Variants in ZNF668 observed in about 807,000 individuals in gnomAD.
ZNF668 encodes zinc finger protein 668.
Under a neutral mutation model 40.3 loss-of-function variants are expected in ZNF668, and 10 were observed. The observed-to-expected ratio is 0.25, with a 90% CI of 0.15 to 0.42. ZNF668 has a LOEUF of 0.42. Among genes scored for constraint, ZNF668 ranks in the 10% least tolerant of loss-of-function variants. The pLI is 1.00. For missense variants in ZNF668, 749 were observed against 904.6 expected, an observed-to-expected ratio of 0.83 and a Z score of 2.21; for synonymous variants, 428 against 384.6, an observed-to-expected ratio of 1.11 and a Z score of -1.32.
chr16:31,067,095 G>A (rs2056985793), intron 1 of ZNF668, among the ~76,000 whole-genome samples: 1 of 152,038 alleles, frequency 6.6e-6, no homozygotes, highest in Non-Finnish European at 1.5e-5. Flanking sequence ...GAGCATGCCT[G>A]TACTCCCAGC....
chr16:31,067,170 A>G (rs2056986177), intron 1 of ZNF668, among the ~76,000 whole-genome samples: 1 of 152,152 alleles, frequency 6.6e-6, no homozygotes, highest in Admixed American at 6.5e-5. Flanking sequence ...CAGTAAGCCA[A>G]GATGGTGCCA....
At chr16:31,066,511 C>T (rs925891318) in intron 1 of ZNF668, 6 of 330,520 alleles carry the variant, frequency 1.8e-5, no homozygotes, top group Admixed American at 6.5e-5. Flanking sequence ...GAACTATGAT[C>T]GTACCACTGC....
intron 1 of ZNF668, among the ~76,000 whole-genome samples, chr16:31,067,856 T>TA (rs1171800762): frequency 6.6e-6 from 1 of 152,128 alleles, no homozygotes; most frequent in Non-Finnish European, 1.5e-5. Context: ...TGGGGCCTCT[T>TA]ACGCTTGTCT....
At position 31,064,023 on chromosome 16, in the gene ZNF668, G is replaced by A. The variant is rs780531771; in HGVS notation, c.437C>T (p.Pro146Leu). The A allele has an allele frequency of 6.2e-6, 10 of 1,606,016 alleles. No homozygotes were observed. The highest frequency in any genetic ancestry group is 2.7e-5 in the African/African-American group (2 of 74,754). Residue 146 changes from proline (P) to leucine (L), a missense_variant, in exon 2 of 3, where the codon CCG becomes CTG. Physicochemically the swap from Pro to Leu is moderately conservative, Grantham distance 98. Coordinates refer to ENST00000300849, the MANE Select transcript of ZNF668 (RefSeq NM_024706.5). ...GELPFRCAHC[P>L]KAYGALSKLK... Reference sequence around the variant, plus strand: ...CTTGGAGAGCGCGCCATAGGCCTTCGGGCAGTGCGCACAGCGGAAGGGCAG... The same window carrying A: ...CTTGGAGAGCGCGCCATAGGCCTTCAGGCAGTGCGCACAGCGGAAGGGCAG...
At chr16:31,070,208 G>A (rs1056625139) in intron 1 of ZNF668, among the ~76,000 whole-genome samples, 12 of 151,024 alleles carry the variant, frequency 7.9e-5, no homozygotes, top group Admixed American at 2.0e-4. Context: ...GTGAGCCACC[G>A]CGCCCGGCCC....
chr16:31,065,187 C>T, intron 1 of ZNF668: 1 of 969,676 alleles, frequency 1.0e-6, no homozygotes, highest in Non-Finnish European at 1.2e-6. Context: ...AGCTGGAAGC[C>T]TCTTTCTGAG....
At position 31,063,807 on chromosome 16, in the gene ZNF668, C is replaced by T. The variant is rs1384097609; in HGVS notation, c.647+6G>A. On this transcript the variant is annotated splice_donor_region_variant and intron_variant, in intron 2 of 2. Transcript: ENST00000300849. ...GAAGGCGCCCTGCCCCGGAAGGCAC[C>T]CTCACCGCTCATGGTTGCGGAGGTC... 1.3e-6 allele frequency: 2 copies of T among 1,555,730 alleles called. No homozygotes were observed. The highest frequency in any genetic ancestry group is 1.7e-6 in the Non-Finnish European group (2 of 1,146,670).
chr16:31,062,148 G>A lies in ZNF668; in HGVS notation c.780C>T (p.Gly260=), dbSNP rs1567398487. 2 of 1,613,910 alleles carry A rather than the reference G, an allele frequency of 1.2e-6. No homozygotes were observed. The highest frequency in any genetic ancestry group is 8.5e-7 in the Non-Finnish European group (1 of 1,179,900). The part of the protein sequence containing the change: ...KPYRCPACGK[G]FTQLSSYQSH... Reference sequence around the variant, plus strand: ...TCTGGTAGGAACTGAGCTGCGTGAAGCCCTTGCCGCAGGCCGGGCAGCGGT... The same window carrying A: ...TCTGGTAGGAACTGAGCTGCGTGAAACCCTTGCCGCAGGCCGGGCAGCGGT... The change falls in exon 3 of 3, where the codon GGC becomes GGT. Residue 260 remains glycine (G), a synonymous_variant. Coordinates refer to ENST00000300849, the MANE Select transcript of ZNF668 (RefSeq NM_024706.5).
intron 1 of ZNF668, chr16:31,069,373 TCTC>T (rs2056999782): frequency 6.6e-6 from 1 of 151,930 alleles, no homozygotes; most frequent in Non-Finnish European, 1.5e-5. Context: ...CCTCCTTTCT[TCTC>T]CTCAAAGAGC....
At chr16:31,067,220 A>T (rs751816614) in intron 1 of ZNF668, among the ~76,000 whole-genome samples, 8 of 152,160 alleles carry the variant, frequency 5.3e-5, no homozygotes, top group Non-Finnish European at 7.3e-5. Context: ...CCCCATCTCA[A>T]AAATAAATAA....
chr16:31,066,646 G>A (rs2143770832), intron 1 of ZNF668, among the ~76,000 whole-genome samples: 1 of 152,324 alleles, frequency 6.6e-6, no homozygotes, highest in South Asian at 2.1e-4. Flanking sequence ...CTTGAGCCCA[G>A]GAGTTCAAGG....
Position 31,064,728 on chromosome 16 carries a change from T to TC in ZNF668, c.-22-248dup, listed in dbSNP as rs147304134. 1.2e-3 allele frequency: 1,878 copies of TC among 1,521,228 alleles called. 3 individuals carry two copies. The highest frequency in any genetic ancestry group is 2.3e-3 in the Admixed American group (112 of 49,706). 94.2% of individuals were successfully genotyped at this position (1,521,228 alleles called of 1,614,324 possible). A position where few individuals can be genotyped will look rare whatever the true frequency, so the allele number is the denominator to read the frequency against. ...GGGTCACAAAAGATTCACCTACACG[T>TC]CCCCCCCCGCCCCCAACGGGCTTTT... On this transcript the variant is annotated intron_variant, in intron 1 of 2. Transcript: ENST00000300849.
At chr16:31,064,897 GAC>G in intron 1 of ZNF668, 1 of 1,409,188 alleles carries the variant, frequency 7.1e-7, no homozygotes, top group African/African-American at 1.4e-5. Context: ...GCCCAGAAAA[GAC>G]AGACCTGGGA....
At chr16:31,063,187 C>T (rs1015418670) in intron 2 of ZNF668, among the ~76,000 whole-genome samples, 1 of 152,188 alleles carries the variant, frequency 6.6e-6, no homozygotes, top group Non-Finnish European at 1.5e-5. Context: ...GGCTGGAATG[C>T]AGTGGCCTGA....
Position 31,074,173 on chromosome 16 carries a change from T to G in ZNF668, c.-537A>C, listed in dbSNP as rs1421559246. 1 of 152,240 alleles carries G rather than the reference T, an allele frequency of 6.6e-6. No homozygotes were observed. Among genetic ancestry groups the G allele is most frequent in the Non-Finnish European group, 1.5e-5 (1 of 68,050 alleles). The allele number at this position is 152,240 out of a possible 1,614,324, so 9.4% of individuals were successfully genotyped here. A position where few individuals can be genotyped will look rare whatever the true frequency, so the allele number is the denominator to read the frequency against. ...CTGTGGCCAGGGCTGTAGAATCTTT[T>G]TCTCCCTTTCTGCGCCTATTCAATA... On this transcript the variant is annotated 5_prime_UTR_variant, in exon 1 of 3. Transcript: ENST00000300849.
chr16:31,061,539 G>A lies in ZNF668; in HGVS notation c.1389C>T (p.Pro463=). 3.7e-6 allele frequency: 6 copies of A among 1,611,076 alleles called. No individual in the cohort carries two copies. In the South Asian group the frequency reaches 4.4e-5, roughly 12 times the overall value. ...GDPPAGLLGL[P]PESGGVMATQ... ...TGGCCATCACACCACCTGACTCCGG[G>A]GGCAGCCCTAGCAGCCCTGCTGGAG... is the stretch of plus-strand genomic sequence containing the variant. Residue 463 remains proline (P), a synonymous_variant, in exon 3 of 3, where the codon CCC becomes CCT. Transcript: ENST00000300849. The surrounding 1 kb of genome is among the most constrained non-coding windows in gnomAD (Gnocchi z 7.7).
rs1393342708 is a variant in ZNF668, at chr16:31,061,697, C to T, written c.1231G>A (p.Glu411Lys). The T allele has an allele frequency of 2.3e-5, 37 of 1,613,608 alleles. No homozygotes were observed. Among genetic ancestry groups the T allele is most frequent in the Non-Finnish European group, 2.9e-5 (34 of 1,179,914 alleles). ...GCCTCACTGCTTCGATGGGTCCGCT[C>T]GTGCTTCCTCAGGCTCGACGACACC... is the stretch of plus-strand genomic sequence containing the variant. ...FVVSSSLRKHERTHRSSEAAG... is the reference protein window; with the variant it reads ...FVVSSSLRKHKRTHRSSEAAG... The change falls in exon 3 of 3, where the codon GAG becomes AAG. Residue 411 changes from glutamate (E) to lysine (K), a missense_variant. This residue lies in a region of ZNF668 where 310 missense variants were observed against 355.1 expected (regional missense o/e 0.87). Transcript: ENST00000300849. The surrounding 1 kb of genome is among the most constrained non-coding windows in gnomAD (Gnocchi z 7.7).
chr16:31,070,564 G>C (rs2057009699), intron 1 of ZNF668, among the ~76,000 whole-genome samples: 1 of 150,742 alleles, frequency 6.6e-6, no homozygotes, highest in Non-Finnish European at 1.5e-5. Flanking sequence ...TTTTGAGACA[G>C]AGTTTCACTC....
rs2056956886 is a variant in ZNF668, at chr16:31,063,838, G to GC, written c.621dup (p.Leu208AlafsTer8). The GC allele has an allele frequency of 6.3e-7, 1 of 1,581,626 alleles. No individual in the cohort carries two copies. On this transcript the variant is annotated frameshift_variant, in exon 2 of 3. Coordinates refer to ENST00000300849, the MANE Select transcript of ZNF668 (RefSeq NM_024706.5). LOFTEE classifies it high-confidence loss of function. ...CGCTCATGGTTGCGGAGGTCCTTGA[G>GC]CTCCGCATAGGCTTTGCCGCAACGC...
Sources: gnomAD v4.1 joint callset for allele counts (sites outside exome capture counted in the v4.1 genomes callset) on GRCh38, gnomAD v4.1.1 for gene constraint, gnomAD v4.1.1 regional missense constraint, Gnocchi (gnomAD v3.1) non-coding constraint, MANE v1.5 for transcripts, NCBI Gene and HGNC (gene_info 2026-07-23, HGNC 2026-07-21) for gene names.